The following LOC102723971 variants were observed in gnomAD, a reference collection of about 807,000 sequenced individuals.
At chr9:135,619,243 C>T in the LOC102723971 span, among the ~76,000 whole-genome samples, 33 of 152,328 alleles carry the variant, frequency 2.2e-4, no homozygotes, top group African/African-American at 7.5e-4. Context: ...CCCAGCCTGG[C>T]CTGTGGGCCT....
At chr9:135,618,853 A>G in the LOC102723971 span, 6 of 398,492 alleles carry the variant, frequency 1.5e-5, no homozygotes, top group African/African-American at 1.2e-4. Context: ...GTGCTATGTG[A>G]TTGATTTACT....
At chr9:135,615,404 G>A in the LOC102723971 span, 24 of 398,902 alleles carry the variant, frequency 6.0e-5, no homozygotes, top group African/African-American at 1.6e-4. Flanking sequence ...AGCCAACCAC[G>A]CAGACCTGGT....
the LOC102723971 span, among the ~76,000 whole-genome samples, chr9:135,618,476 A>T: frequency 1.3e-5 from 2 of 152,046 alleles, no homozygotes; most frequent in African/African-American, 4.8e-5. Flanking sequence ...ATCCAGCCCT[A>T]GTGCAGGTTA....
chr9:135,615,528 G>T, the LOC102723971 span: 2 of 398,670 alleles, frequency 5.0e-6, no homozygotes, highest in Non-Finnish European at 8.8e-6. Context: ...CCCCTCTCAG[G>T]CGCTCATTCT....
At chr9:135,617,730 T>C in the LOC102723971 span, among the ~76,000 whole-genome samples, 4 of 151,998 alleles carry the variant, frequency 2.6e-5, no homozygotes, top group African/African-American at 9.7e-5. Flanking sequence ...GGAGGCAAGG[T>C]TGGGGCCGGT....
chr9:135,616,314 G>A, the LOC102723971 span, among the ~76,000 whole-genome samples: 1 of 152,192 alleles, frequency 6.6e-6, no homozygotes, highest in East Asian at 1.9e-4. Context: ...CATCCCAGAA[G>A]TGAGGAAGAC....
At chr9:135,619,146 T>A in the LOC102723971 span, among the ~76,000 whole-genome samples, 1,825 of 152,078 alleles carry the variant, frequency 0.012, 14 homozygotes, top group Middle Eastern at 0.02. Flanking sequence ...CCTGGTCCCC[T>A]CCCCTGCTGG....
the LOC102723971 span, chr9:135,615,240 G>A: frequency 7.6e-6 from 3 of 394,838 alleles, no homozygotes; most frequent in African/African-American, 2.1e-5. Flanking sequence ...AGGTGGAGGG[G>A]GTGCCACACA....
chr9:135,614,640 G>A, the LOC102723971 span, among the ~76,000 whole-genome samples: 1 of 152,198 alleles, frequency 6.6e-6, no homozygotes, highest in Non-Finnish European at 1.5e-5. Flanking sequence ...AAGGCTGCAG[G>A]GCGGCAGCCG....
chr9:135,615,215 G>A, the LOC102723971 span: 9 of 394,690 alleles, frequency 2.3e-5, no homozygotes, highest in Middle Eastern at 6.3e-4. Flanking sequence ...CTCCTGTCCC[G>A]GCCCACGCCC....
chr9:135,615,280 G>A, the LOC102723971 span: 4 of 396,682 alleles, frequency 1.0e-5, no homozygotes, highest in Admixed American at 1.3e-4. Context: ...CTCCCGACCC[G>A]GCCCACACCC....
the LOC102723971 span, chr9:135,616,555 G>T: frequency 2.5e-6 from 1 of 398,614 alleles, no homozygotes; most frequent in South Asian, 1.3e-4. Context: ...GTTGGAGGCT[G>T]ACCAGGCCCT....
chr9:135,615,296 T>C, the LOC102723971 span: 2 of 394,738 alleles, frequency 5.1e-6, no homozygotes, highest in Non-Finnish European at 8.9e-6. Flanking sequence ...CACCCCTGCA[T>C]GTGGAGGGAG....
At chr9:135,616,815 G>A in the LOC102723971 span, 4 of 398,378 alleles carry the variant, frequency 1.0e-5, no homozygotes, top group East Asian at 3.6e-5. Flanking sequence ...TCCTCTTGGT[G>A]GCATTGCAAT....
chr9:135,619,751 G>C, the LOC102723971 span, among the ~76,000 whole-genome samples: 1 of 152,020 alleles, frequency 6.6e-6, no homozygotes, highest in Non-Finnish European at 1.5e-5. Context: ...GGCAGGGCAG[G>C]CTCTGAGGAA....
At chr9:135,615,630 G>C in the LOC102723971 span, 2 of 397,538 alleles carry the variant, frequency 5.0e-6, no homozygotes, top group African/African-American at 4.1e-5. Context: ...GCTCCAAGAG[G>C]GGTAAGCTCA....
At chr9:135,615,861 G>A in the LOC102723971 span, among the ~76,000 whole-genome samples, 34,650 of 152,160 alleles carry the variant, frequency 0.23, 4,096 homozygotes, top group African/African-American at 0.25. Context: ...CACCCCTTCC[G>A]GCCCCGATGT....
chr9:135,617,098 G>A, the LOC102723971 span: 491 of 397,868 alleles, frequency 1.2e-3, 3 homozygotes, highest in East Asian at 0.015. Context: ...GGACACTCCC[G>A]GCTCTGTGCA....
chr9:135,615,645 C>T, the LOC102723971 span: 131 of 397,380 alleles, frequency 3.3e-4, no homozygotes, highest in Admixed American at 1.0e-3. Flanking sequence ...AGCTCAGAAG[C>T]TGCCAGAGGC....
Sources: gnomAD v4.1 joint callset for allele counts (sites outside exome capture counted in the v4.1 genomes callset) on GRCh38, gnomAD v4.1.1 for gene constraint, MANE v1.5 for transcripts.